The following DMD variants were observed in gnomAD, a reference collection of about 807,000 sequenced individuals.
The protein encoded by DMD is mutant dystrophin.
Under a neutral mutation model 330.1 loss-of-function variants are expected in DMD, and 63 were observed. The observed-to-expected ratio is 0.19, with a 90% confidence interval of 0.16 to 0.24. The LOEUF (loss-of-function observed/expected upper bound fraction) is 0.24. DMD is among the 10% of genes least tolerant of loss of function. DMD has a pLI of 1.00. For synonymous variants in DMD, 1,223 were observed against 959.8 expected, an observed-to-expected ratio of 1.27 and a Z score of -5.07; for missense variants, 3,344 against 2,684.1, an observed-to-expected ratio of 1.25 and a Z score of -5.43.
At chrX:32,295,133 C>A (rs905826686) in intron 42 of DMD, among the ~76,000 whole-genome samples, 1 of 111,816 alleles carries the variant, frequency 8.9e-6, no homozygotes, top group Non-Finnish European at 1.9e-5. Flanking sequence ...CGCTGAAATT[C>A]TGTAAGATGT....
chrX:31,675,490 G>A (rs1179897400), intron 53 of DMD, among the ~76,000 whole-genome samples: 1 of 111,437 alleles, frequency 9.0e-6, no homozygotes, highest in African/African-American at 3.3e-5. Flanking sequence ...AGCCTCCCAA[G>A]TAGCTGGGAC....
intron 77 of DMD, among the ~76,000 whole-genome samples, chrX:31,128,601 C>CTA (rs1601987486): frequency 8.9e-6 from 1 of 112,240 alleles, no homozygotes; most frequent in African/African-American, 3.2e-5. Flanking sequence ...TGATACATAT[C>CTA]TTTAGTAATT....
intron 60 of DMD, among the ~76,000 whole-genome samples, chrX:31,415,463 C>A (rs1024486979): frequency 4.5e-5 from 5 of 111,891 alleles, no homozygotes; most frequent in African/African-American, 1.6e-4. Flanking sequence ...CCACTACCTG[C>A]CATTACTATG....
intron 55 of DMD, among the ~76,000 whole-genome samples, chrX:31,582,584 C>T (rs2076391515): frequency 8.9e-6 from 1 of 111,793 alleles, no homozygotes; most frequent in Non-Finnish European, 1.9e-5. Flanking sequence ...TTCTAGGATA[C>T]GAATAGTAAT....
chrX:31,187,610 C>T, intron 67 of DMD, among the ~76,000 whole-genome samples: 1 of 110,638 alleles, frequency 9.0e-6, no homozygotes, highest in Middle Eastern at 4.6e-3. Flanking sequence ...AAACAGTGCA[C>T]ATTATATCTG....
At chrX:31,303,143 T>G (rs1236957167) in intron 62 of DMD, among the ~76,000 whole-genome samples, 1 of 111,845 alleles carries the variant, frequency 8.9e-6, no homozygotes, top group Non-Finnish European at 1.9e-5. Context: ...TAAAAATTAG[T>G]CTTTTTTATT....
chrX:31,971,834 T>C (rs1196083807), intron 44 of DMD, among the ~76,000 whole-genome samples: 1 of 112,103 alleles, frequency 8.9e-6, no homozygotes, highest in Non-Finnish European at 1.9e-5. Flanking sequence ...TTTGATATCA[T>C]ATTAATGTAC....
intron 51 of DMD, among the ~76,000 whole-genome samples, chrX:31,756,429 C>T (rs894530520): frequency 9.2e-6 from 1 of 108,803 alleles, no homozygotes; most frequent in Non-Finnish European, 1.9e-5. Context: ...TATGTTTCCA[C>T]GTATTTATAC....
chrX:32,752,728 A>G (rs1174875209), intron 7 of DMD, among the ~76,000 whole-genome samples: 1 of 108,919 alleles, frequency 9.2e-6, no homozygotes, highest in African/African-American at 3.4e-5. Flanking sequence ...GAATTCCCAC[A>G]TGTTGTCAGA....
intron 44 of DMD, among the ~76,000 whole-genome samples, chrX:32,135,241 T>TA (rs1223911923): frequency 1.8e-5 from 2 of 112,450 alleles, no homozygotes; most frequent in South Asian, 3.6e-4. Flanking sequence ...ACAGCAGTAA[T>TA]AAAAAAACTT....
chrX:32,968,457 G>A (rs2092250926), intron 2 of DMD, among the ~76,000 whole-genome samples: 1 of 110,494 alleles, frequency 9.1e-6, no homozygotes, highest in Non-Finnish European at 1.9e-5. Context: ...TGGAGAGTAT[G>A]TCAAGATAAT....
intron 41 of DMD, among the ~76,000 whole-genome samples, chrX:32,336,986 C>T (rs2097718661): frequency 9.0e-6 from 1 of 111,002 alleles, no homozygotes; most frequent in South Asian, 3.7e-4. Flanking sequence ...CAGGAGGGGC[C>T]TGATATGATC....
At chrX:32,362,537 C>T (rs1160354349) in intron 37 of DMD, among the ~76,000 whole-genome samples, 1 of 110,871 alleles carries the variant, frequency 9.0e-6, no homozygotes, top group East Asian at 2.8e-4. Context: ...AGAATGCAGT[C>T]CTAGAATATC....
At chrX:32,346,688 T>C (rs2097765000) in intron 38 of DMD, among the ~76,000 whole-genome samples, 2 of 111,843 alleles carry the variant, frequency 1.8e-5, no homozygotes, top group South Asian at 7.3e-4. Context: ...ATATGTCATA[T>C]ATGCATGTTA....
intron 20 of DMD, among the ~76,000 whole-genome samples, chrX:32,489,740 T>A (rs1052868580): frequency 8.9e-6 from 1 of 111,842 alleles, no homozygotes; most frequent in African/African-American, 3.3e-5. Flanking sequence ...GTACTATTAC[T>A]AACTACTATA....
intron 16 of DMD, among the ~76,000 whole-genome samples, chrX:32,554,208 C>G (rs2049905609): frequency 9.0e-6 from 1 of 111,694 alleles, no homozygotes; most frequent in African/African-American, 3.3e-5. Flanking sequence ...AGCCTAACAT[C>G]TCAAATAAAA....
At chrX:31,260,535 G>A (rs964508422) in intron 63 of DMD, among the ~76,000 whole-genome samples, 6 of 111,489 alleles carry the variant, frequency 5.4e-5, no homozygotes, top group South Asian at 3.8e-4. Context: ...CCGGAAAGAC[G>A]GCAGAAAATT....
chrX:32,897,794 G>T (rs2085862786), intron 2 of DMD, among the ~76,000 whole-genome samples: 1 of 111,714 alleles, frequency 9.0e-6, no homozygotes, highest in Non-Finnish European at 1.9e-5. Flanking sequence ...TAGTTCAATG[G>T]ATTAGTAGAC....
At chrX:32,661,558 C>G (rs1290706120) in intron 9 of DMD, among the ~76,000 whole-genome samples, 1 of 111,152 alleles carries the variant, frequency 9.0e-6, no homozygotes, top group Non-Finnish European at 1.9e-5. Flanking sequence ...CCAGAGATAG[C>G]TAGATTTATA....
Sources: allele counts gnomAD v4.1 joint callset (sites outside exome capture counted in the v4.1 genomes callset), GRCh38; gene constraint gnomAD v4.1.1; transcripts MANE v1.5; gene names NCBI Gene and HGNC (gene_info 2026-07-23, HGNC 2026-07-21).